FASN: variants seen among roughly 807,000 people sequenced by gnomAD.
FASN encodes 3-hydroxyacyl-[acyl-carrier-protein] dehydratase.
A neutral mutation model predicts 250.0 loss-of-function variants in FASN; 50 were observed. That is an observed-to-expected ratio of 0.20 (90% CI 0.16 to 0.25). The LOEUF (loss-of-function observed/expected upper bound fraction) is 0.25. Ranked by LOEUF, FASN falls within the 10% of genes least tolerant of loss-of-function variation. The probability of loss-of-function intolerance (pLI) is 1.00; values close to 1 mark genes in which losing one functional copy is unlikely to be tolerated. For synonymous variants in FASN, 1,909 were observed against 1,584.0 expected (o/e 1.21, Z -4.87); for missense variants, 3,031 against 3,498.5 (o/e 0.87, Z 3.37).
At chr17:82,087,570 C>A (rs1437315060) in intron 19 of FASN, 66 bp from the exon 20 acceptor site, 3 of 1,603,112 alleles carry the variant, frequency 1.9e-6, no homozygotes, top group Non-Finnish European at 1.7e-6. Flanking sequence ...CCAGAGCCCA[C>A]CGGGCCCCTC....
Position 82,086,260 on chromosome 17 carries a change from C to T in FASN, c.3726G>A (p.Val1242=). The T allele has an allele frequency of 6.4e-7, 1 of 1,565,320 alleles. No homozygotes were observed. Among genetic ancestry groups the T allele is most frequent in the South Asian group, 1.2e-5 (1 of 86,536 alleles). Residue 1242 remains valine, a synonymous_variant, in exon 22 of 43, where the codon GTG becomes GTA. Transcript: ENST00000306749. ...CTGCCCAGGAGGCACCCACCTCCAC[C>T]ACCTTCATCTTCAGGCTGGGCATGT... ...VENMPSLKMK[V]VEVLAGHGHL...
In FASN at chr17:82,085,749, G is replaced by A. The variant is rs759517625; in HGVS notation, c.3855C>T (p.Ala1285=). Residue 1285 remains alanine (A), a synonymous_variant, in exon 23 of 43, where the codon GCC becomes GCT. Coordinates refer to ENST00000306749, the MANE Select transcript of FASN (RefSeq NM_004104.5). ...GGGCAACGTCGTGCTGCTGCAGCTCGGCCTGGGCAGCCTCCAGGGCCTGGG... is the reference window on the plus strand; with the variant it reads ...GGGCAACGTCGTGCTGCTGCAGCTCAGCCTGGGCAGCCTCCAGGGCCTGGG... ...RHPQALEAAQ[A]ELQQHDVAQG... The A allele has an allele frequency of 8.9e-6, 14 of 1,564,474 alleles. No individual in the cohort carries two copies. The highest frequency in any genetic ancestry group is 2.3e-5 in the South Asian group (2 of 85,444).
chr17:82,083,342 C>T lies in FASN; in HGVS notation c.5425G>A (p.Glu1809Lys). Residue 1809 changes from glutamate to lysine, a missense_variant, in exon 32 of 43, where the codon GAG (glutamate) becomes AAG (lysine). By Grantham distance (56) the Glu-to-Lys change is moderately conservative. Transcript: ENST00000306749. ...FFNESSADWR[E>K]VWALVQAGIR... ...CCGGCCTGCACAAGCGCCCACACCT[C>T]CCGCCAGTCAGCACTGCTCTCGTTG... 6.2e-7 allele frequency: 1 copy of T among 1,612,800 alleles called. No individual in the cohort carries two copies. Among genetic ancestry groups the T allele is most frequent in the Non-Finnish European group, 8.5e-7 (1 of 1,180,010 alleles).
At position 82,083,103 on chromosome 17, in the gene FASN, C is replaced by T; in HGVS notation, c.5578G>A (p.Glu1860Lys). 1 of 1,610,466 alleles carries T rather than the reference C, an allele frequency of 6.2e-7. No individual in the cohort carries two copies. Among genetic ancestry groups the T allele is most frequent in the Non-Finnish European group, 8.5e-7 (1 of 1,179,958 alleles). Residue 1860 changes from glutamate (E) to lysine (K), a missense_variant, in exon 33 of 43, where the codon GAG (glutamate) becomes AAG (lysine). By Grantham distance (56) the Glu-to-Lys change is moderately conservative. Coordinates refer to ENST00000306749, the MANE Select transcript of FASN (RefSeq NM_004104.5). ...GKVVVQVLAEEPEAVLKGAKP... is the reference protein window; with the variant it reads ...GKVVVQVLAEKPEAVLKGAKP... Reference sequence around the variant, plus strand: ...GCCCCCTTCAGCACTGCCTCCGGCTCCTCCGCAAGCACCTGCGTCCAAGCA... The same window carrying T: ...GCCCCCTTCAGCACTGCCTCCGGCTTCTCCGCAAGCACCTGCGTCCAAGCA...
chr17:82,088,347 G>T, intron 16 of FASN, 40 bp from the exon 17 acceptor site: 2 of 1,610,820 alleles, frequency 1.2e-6, no homozygotes, highest in Non-Finnish European at 1.7e-6. Flanking sequence ...GCGGGCGTCT[G>T]TGGGGAGGGA....
rs757921320 is a variant in FASN, at chr17:82,089,638, T to C, written c.1959A>G (p.Gly653=). Reference sequence around the variant, plus strand: ...CCCAGGCCGCAGCACCCACCTGAGGTCCCGAGATGGTGACTGTGTCCTTGG... The same window carrying C: ...CCCAGGCCGCAGCACCCACCTGAGGCCCCGAGATGGTGACTGTGTCCTTGG... ...HNSKDTVTIS[G]PQAPVFEFVE... Residue 653 remains glycine, a synonymous_variant, in exon 12 of 43, where the codon GGA becomes GGG. Transcript: ENST00000306749. 3.7e-5 allele frequency: 59 copies of C among 1,599,822 alleles called. No homozygotes were observed. The highest frequency in any genetic ancestry group is 4.8e-5 in the Non-Finnish European group (56 of 1,174,134).
chr17:82,095,045 C>T (rs1303274480), intron 3 of FASN, among the ~76,000 whole-genome samples: 1 of 152,178 alleles, frequency 6.6e-6, no homozygotes, highest in Non-Finnish European at 1.5e-5. Flanking sequence ...ACTCCAGCCC[C>T]GGCCCCGGCC....
In FASN at chr17:82,091,276, G is replaced by A; in HGVS notation, c.1438C>T (p.Pro480Ser). Reference protein sequence around the residue: ...YAVLGGERGGPEVQQVPAGER... With the variant: ...YAVLGGERGGSEVQQVPAGER... ...CCAGCGGGCACCTGCTGCACCTCTG[G>A]GCCACCGCGCTCACCACCCAGCACA... The change falls in exon 9 of 43, where the codon CCA becomes TCA. Residue 480 changes from proline to serine, a missense_variant. Coordinates refer to ENST00000306749, the MANE Select transcript of FASN (RefSeq NM_004104.5). The A allele has an allele frequency of 1.2e-6, 2 of 1,606,266 alleles. No individual in the cohort carries two copies. Among genetic ancestry groups the A allele is most frequent in the Non-Finnish European group, 1.7e-6 (2 of 1,176,976 alleles).
rs747079942 is a variant in FASN, at chr17:82,093,359, T to C, written c.515A>G (p.Tyr172Cys). The C allele has an allele frequency of 2.5e-6, 4 of 1,603,152 alleles. No individual in the cohort carries two copies. The highest frequency in any genetic ancestry group is 1.1e-5 in the South Asian group (1 of 89,140). ...SSSLMALQNA[Y>C]QAIHSGQCPA... Reference sequence around the variant, plus strand: ...GCACTGCCCGCTGTGGATGGCCTGGTAGGCGTTCTGCAGGGCCATCAGGCT... The same window carrying C: ...GCACTGCCCGCTGTGGATGGCCTGGCAGGCGTTCTGCAGGGCCATCAGGCT... Residue 172 changes from tyrosine (Y) to cysteine (C), a missense_variant, in exon 5 of 43, where the codon TAC becomes TGC. By Grantham distance (194) the Tyr-to-Cys change is radical. Coordinates refer to ENST00000306749, the MANE Select transcript of FASN (RefSeq NM_004104.5).
intron 41 of FASN, chr17:82,079,867 C>T: frequency 1.6e-6 from 1 of 632,902 alleles, no homozygotes; most frequent in Non-Finnish European, 2.7e-6. Context: ...GCCACCATGC[C>T]TGGCTAATTT....
At position 82,080,465 on chromosome 17, in the gene FASN, A is replaced by C; in HGVS notation, c.6952T>G (p.Cys2318Gly). 4 of 1,587,146 alleles carry C rather than the reference A, an allele frequency of 2.5e-6. No individual in the cohort carries two copies. Among genetic ancestry groups the C allele is most frequent in the Non-Finnish European group, 3.4e-6 (4 of 1,167,510 alleles). Residue 2318 changes from cysteine (C) to glycine (G), a missense_variant, in exon 40 of 43, where the codon TGC becomes GGC. By Grantham distance (159) the Cys-to-Gly change is radical. Coordinates refer to ENST00000306749, the MANE Select transcript of FASN (RefSeq NM_004104.5). ...SYGACVAFEM[C>G]SQLQAQQSPA... ...CTCTGCTGGGCCTGCAGCTGGGAGC[A>C]CATTTCAAAGGCCACGCAGGCCCCG...
At position 82,080,757 on chromosome 17, in the gene FASN, G is replaced by T. The variant is rs759433781; in HGVS notation, c.6761C>A (p.Thr2254Asn). The change falls in exon 39 of 43, where the codon ACC (threonine) becomes AAC (asparagine). Residue 2254 changes from threonine to asparagine, a missense_variant. Transcript: ENST00000306749. ...LFLVHPIEGS[T>N]TVFHSLASRL... ...GGAGGCCAGGCTGTGGAACACGGTG[G>T]TGGAGCCCTCGATTGGGTGCACCAG... 6.2e-7 allele frequency: 1 copy of T among 1,604,314 alleles called. No individual in the cohort carries two copies. The highest frequency in any genetic ancestry group is 8.5e-7 in the Non-Finnish European group (1 of 1,176,646).
chr17:82,087,324 C>A lies in FASN; in HGVS notation c.3223+1G>T. On this transcript the variant is annotated splice_donor_variant, in intron 20 of 42. Transcript: ENST00000306749. LOFTEE classifies it high-confidence loss of function. ...CTGGGCTGGGGCTGGGGCGGGGCTACCTTGGGCCTTGTCCTGCAGTGTGTA... is the reference window on the plus strand; with the variant it reads ...CTGGGCTGGGGCTGGGGCGGGGCTAACTTGGGCCTTGTCCTGCAGTGTGTA... 6.2e-7 allele frequency: 1 copy of A among 1,610,712 alleles called. No homozygotes were observed. Among genetic ancestry groups the A allele is most frequent in the Non-Finnish European group, 8.5e-7 (1 of 1,179,386 alleles).
chr17:82,091,583 C>T lies in FASN; in HGVS notation c.1131G>A (p.Val377=), dbSNP rs1598582376. The T allele has an allele frequency of 1.3e-6, 2 of 1,588,032 alleles. No individual in the cohort carries two copies. The highest frequency in any genetic ancestry group is 2.3e-5 in the East Asian group (1 of 43,674). Residue 377 remains valine (V), a synonymous_variant, in exon 9 of 43, where the codon GTG becomes GTA. Coordinates refer to ENST00000306749, the MANE Select transcript of FASN (RefSeq NM_004104.5). ...PALLDGRLQV[V]DQPLPVRGGN... ...CGCCACGGACGGGCAGGGGCTGGTC[C>T]ACCACCTGCAGCCGCCCATCCAACA...
At position 82,090,990 on chromosome 17, in the gene FASN, A is replaced by G. The variant is rs768345091; in HGVS notation, c.1572T>C (p.Asp524=). ...DRFRDSILRS[D]EAVKPFGLKV... ...TCAGGCCGAATGGCTTCACAGCCTC[A>G]TCGGAGCGTAGGATGGAATCTCGGA... The change falls in exon 10 of 43, where the codon GAT becomes GAC. Residue 524 remains aspartate, a synonymous_variant. Coordinates refer to ENST00000306749, the MANE Select transcript of FASN (RefSeq NM_004104.5). 1.8e-5 allele frequency: 29 copies of G among 1,612,858 alleles called. No homozygotes were observed. The highest frequency in any genetic ancestry group is 5.5e-5 in the South Asian group (5 of 91,082).
In FASN at chr17:82,081,626, C is replaced by T; in HGVS notation, c.6381G>A (p.Leu2127=). 1.2e-6 allele frequency: 2 copies of T among 1,612,718 alleles called. No homozygotes were observed. Among genetic ancestry groups the T allele is most frequent in the Non-Finnish European group, 1.7e-6 (2 of 1,180,002 alleles). Residue 2127 remains leucine (L), a synonymous_variant, in exon 37 of 43, where the codon CTG becomes CTA. Coordinates refer to ENST00000306749, the MANE Select transcript of FASN (RefSeq NM_004104.5). ...CCAGGATGTGTGCCACGGCCTCCAC[C>T]AGGTCCCGCTGGCTGTCCCTGTCCC... ...AYRDRDSQRD[L]VEAVAHILGI...
intron 1 of FASN, among the ~76,000 whole-genome samples, 193 bp downstream of exon 1, chr17:82,097,928 T>A (rs1213992174): frequency 6.6e-6 from 1 of 151,646 alleles, no homozygotes; most frequent in Non-Finnish European, 1.5e-5. Context: ...GCCCACCTAC[T>A]CCGCGGGGCC....
At position 82,082,171 on chromosome 17, in the gene FASN, G is replaced by A. The variant is rs758819865; in HGVS notation, c.6012-11C>T. The stretch of plus-strand genomic sequence containing the variant: ...GCCTCTCGGGTCACCCTGTGGGCAC[G>A]CGTGTCACTCCCCATTGGCCAGCAT... On this transcript the variant is annotated splice_polypyrimidine_tract_variant and intron_variant, in intron 35 of 42. Transcript: ENST00000306749. The A allele has an allele frequency of 2.4e-5, 39 of 1,601,570 alleles. No individual in the cohort carries two copies. Among genetic ancestry groups the A allele is most frequent in the Middle Eastern group, 1.6e-4 (1 of 6,082 alleles).
intron 2 of FASN, 59 bp from the exon 3 acceptor site, chr17:82,095,531 G>A (rs1289180829): frequency 6.3e-7 from 1 of 1,596,590 alleles, no homozygotes; most frequent in African/African-American, 1.3e-5. Context: ...TGGGGGCCCT[G>A]TGGGGTGCTG....
Sources: gnomAD v4.1 joint callset for allele counts (sites outside exome capture counted in the v4.1 genomes callset) on GRCh38, gnomAD v4.1.1 for gene constraint, MANE v1.5 for transcripts, NCBI Gene and HGNC (gene_info 2026-07-23, HGNC 2026-07-21) for gene names.